The following KCNQ5 variants were observed in gnomAD, a reference collection of about 807,000 sequenced individuals.
The protein encoded by KCNQ5 is potassium voltage-gated channel subfamily KQT member 5.
Under a neutral mutation model 98.2 loss-of-function variants are expected in KCNQ5, and 30 were observed. The observed-to-expected ratio is 0.31, with a 90% CI of 0.23 to 0.41. The LOEUF (loss-of-function observed/expected upper bound fraction) is 0.41. Ranked by LOEUF, KCNQ5 falls within the 10% of genes least tolerant of loss-of-function variation. The pLI, the probability that KCNQ5 is intolerant of heterozygous loss-of-function variation, is 1.00. For synonymous variants in KCNQ5, 458 were observed against 449.4 expected (o/e 1.02, Z -0.24); for missense variants, 835 against 1,182.5 (o/e 0.71, Z 4.31).
chr6:72,622,442 G>A lies in KCNQ5; in HGVS notation c.253G>A (p.Ala85Thr). Residue 85 changes from alanine to threonine, a missense_variant, in exon 1 of 14, where the codon GCC (alanine) becomes ACC (threonine). Physicochemically the swap from Ala to Thr is moderately conservative, Grantham distance 58. This residue lies in a region of KCNQ5 where 54 missense variants were observed against 51.5 expected (regional missense o/e 1.05). Coordinates refer to ENST00000370398, the MANE Select transcript of KCNQ5 (RefSeq NM_019842.4). The surrounding 1 kb of genome is among the most constrained non-coding windows in gnomAD (Gnocchi z 6.0). ...LRESRRGKQG[A>T]RMSLLGKPLS... ...GGAGAGCCGCCGGGGCAAGCAGGGG[G>A]CCCGGATGAGCCTGCTGGGGAAGCC... is the stretch of plus-strand genomic sequence containing the variant. 3 of 1,568,390 alleles carry A rather than the reference G, an allele frequency of 1.9e-6. No individual in the cohort carries two copies. The highest frequency in any genetic ancestry group is 2.4e-5 in the East Asian group (1 of 41,674).
intron 3 of KCNQ5, among the ~76,000 whole-genome samples, chr6:73,052,522 C>A (rs1772291885): frequency 6.6e-6 from 1 of 152,204 alleles, no homozygotes; most frequent in Non-Finnish European, 1.5e-5. Context: ...GAAACCCCAT[C>A]AGGCTAACAG....
At chr6:72,779,725 G>C (rs4707988) in intron 1 of KCNQ5, among the ~76,000 whole-genome samples, 1 of 151,770 alleles carries the variant, frequency 6.6e-6, no homozygotes, top group African/African-American at 2.4e-5. Context: ...GCTCACTACA[G>C]CTTGGACCTC....
chr6:72,784,454 T>C (rs1773637640), intron 1 of KCNQ5, among the ~76,000 whole-genome samples: 1 of 152,152 alleles, frequency 6.6e-6, no homozygotes, highest in African/African-American at 2.4e-5. Context: ...TTATAAACAA[T>C]AGTTACTCTA....
chr6:72,948,406 T>A (rs902417932), intron 1 of KCNQ5, among the ~76,000 whole-genome samples: 1 of 152,006 alleles, frequency 6.6e-6, no homozygotes, highest in Non-Finnish European at 1.5e-5. Context: ...GCATTGAGTA[T>A]CTTCTGTGAT....
intron 1 of KCNQ5, among the ~76,000 whole-genome samples, chr6:72,994,446 C>G (rs1562116493): frequency 8.1e-6 from 1 of 122,968 alleles, no homozygotes; most frequent in Non-Finnish European, 1.7e-5. Flanking sequence ...TCACCCCTTT[C>G]TTTGACTCGG....
chr6:73,082,128 T>C (rs1410515515), intron 5 of KCNQ5, among the ~76,000 whole-genome samples: 1 of 152,184 alleles, frequency 6.6e-6, no homozygotes, highest in Non-Finnish European at 1.5e-5. Flanking sequence ...TGGTACAAAA[T>C]ACCAGGGATT....
rs1268321149 is a variant in KCNQ5, at chr6:73,000,987, C to T, written c.399-2921C>T. ...CTGTTCTGCAAACTTTGATAATTCT[C>T]GTTCCATGAAACAAAAGGCAAATAG... On this transcript the variant is annotated intron_variant, in intron 1 of 13. Coordinates refer to ENST00000370398, the MANE Select transcript of KCNQ5 (RefSeq NM_019842.4). Among the ~76,000 whole-genome samples, 5 of 152,208 alleles carry T rather than the reference C, an allele frequency of 3.3e-5. 1 individual carries two copies. The South Asian group carries it at 8.3e-4, about 25-fold the overall frequency.
chr6:72,846,678 A>T (rs1777036595), intron 1 of KCNQ5, among the ~76,000 whole-genome samples: 1 of 152,068 alleles, frequency 6.6e-6, no homozygotes, highest in African/African-American at 2.4e-5. Context: ...GGCTCTTTCT[A>T]AAAAAAGGAC....
At chr6:73,131,005 C>A (rs1776211259) in intron 9 of KCNQ5, among the ~76,000 whole-genome samples, 3 of 151,952 alleles carry the variant, frequency 2.0e-5, no homozygotes. Flanking sequence ...TTGAGAAGGA[C>A]AAAAGGGAAA....
chr6:72,890,683 A>T (rs1779023620), intron 1 of KCNQ5, among the ~76,000 whole-genome samples: 1 of 152,198 alleles, frequency 6.6e-6, no homozygotes, highest in Non-Finnish European at 1.5e-5. Context: ...ATAGATTTGT[A>T]TTTCATAAAT....
chr6:73,011,558 G>A (rs761677499), intron 2 of KCNQ5, among the ~76,000 whole-genome samples: 3 of 152,034 alleles, frequency 2.0e-5, no homozygotes, highest in Non-Finnish European at 4.4e-5. Context: ...CATTGGATTT[G>A]TCAGTGATTT....
At chr6:72,878,409 A>C (rs1045395834) in intron 1 of KCNQ5, among the ~76,000 whole-genome samples, 9 of 145,594 alleles carry the variant, frequency 6.2e-5, no homozygotes, top group African/African-American at 2.2e-4. Flanking sequence ...TGATTGTCAC[A>C]ACCCCAGGAG....
In KCNQ5 at chr6:72,986,853, TC is replaced by T. The variant is rs1287140227; in HGVS notation, c.399-17053del. On this transcript the variant is annotated intron_variant, in intron 1 of 13. Coordinates refer to ENST00000370398, the MANE Select transcript of KCNQ5 (RefSeq NM_019842.4). ...GCCCAGGACCCCACAGCCCTCTCAG[TC>T]CAGAACCCTTGGTTCTGCGAGGCTG... 46 of 994,080 alleles carry T rather than the reference TC, an allele frequency of 4.6e-5. No homozygotes were observed. In the East Asian group the frequency reaches 1.1e-3, roughly 23 times the overall value. 61.6% of individuals were successfully genotyped at this position (994,080 alleles called of 1,614,324 possible).
chr6:72,870,039 C>G (rs1046592287), intron 1 of KCNQ5, among the ~76,000 whole-genome samples: 3 of 152,222 alleles, frequency 2.0e-5, no homozygotes, highest in African/African-American at 7.2e-5. Flanking sequence ...TTCACCTGCA[C>G]ATGCTCATAC....
intron 1 of KCNQ5, among the ~76,000 whole-genome samples, chr6:72,934,122 C>G (rs779692751): frequency 6.6e-6 from 1 of 152,140 alleles, no homozygotes. Flanking sequence ...ATGTCAGAGG[C>G]ATGAAGATCC....
intron 1 of KCNQ5, among the ~76,000 whole-genome samples, chr6:72,997,993 G>T (rs1769386094): frequency 6.6e-6 from 1 of 152,128 alleles, no homozygotes. Context: ...GGCATGCTCT[G>T]AGTAGATCCC....
chr6:72,757,540 A>G (rs563084799), intron 1 of KCNQ5, among the ~76,000 whole-genome samples: 2 of 152,320 alleles, frequency 1.3e-5, no homozygotes, highest in Non-Finnish European at 2.9e-5. Flanking sequence ...TATCTAACAC[A>G]AAGCCTATTT....
chr6:72,887,362 C>T (rs1311502603), intron 1 of KCNQ5, among the ~76,000 whole-genome samples: 1 of 152,024 alleles, frequency 6.6e-6, no homozygotes, highest in Non-Finnish European at 1.5e-5. Flanking sequence ...GAGACTTATT[C>T]ACCATCACAA....
chr6:73,198,810 A>G lies in KCNQ5; in HGVS notation c.*3396A>G, dbSNP rs1302134842. ...ATTTCCTTTGCTCTCTTTTACTGGG[A>G]TTATTTGTTTTAAAGTAAAACATTA... On this transcript the variant is annotated 3_prime_UTR_variant, in exon 14 of 14. Coordinates refer to ENST00000370398, the MANE Select transcript of KCNQ5 (RefSeq NM_019842.4). 2 of 152,162 alleles carry G rather than the reference A, an allele frequency of 1.3e-5. No homozygotes were observed. Among genetic ancestry groups the G allele is most frequent in the African/African-American group, 4.8e-5 (2 of 41,444 alleles). The allele number at this position is 152,162 out of a possible 1,614,324, so 9.4% of individuals were successfully genotyped here. A position where few individuals can be genotyped will look rare whatever the true frequency, so the allele number is the denominator to read the frequency against.
Sources: allele counts gnomAD v4.1 joint callset (sites outside exome capture counted in the v4.1 genomes callset), GRCh38; gene constraint gnomAD v4.1.1; regional missense constraint gnomAD v4.1.1; non-coding constraint Gnocchi (gnomAD v3.1); transcripts MANE v1.5; gene names NCBI Gene and HGNC (gene_info 2026-07-23, HGNC 2026-07-21).